Variants in B4GALT1 observed in about 807,000 individuals in gnomAD.
B4GALT1 encodes N-acetyllactosamine synthase.
Under a neutral mutation model 34.9 loss-of-function variants are expected in B4GALT1, and 16 were observed. The ratio of observed to expected loss-of-function variants is 0.46; its 90% CI spans 0.31 to 0.70. The LOEUF (loss-of-function observed/expected upper bound fraction) is 0.70, where lower values mean the gene tolerates loss of function less well. Ranked by LOEUF, B4GALT1 falls within the 30% of genes least tolerant of loss-of-function variation. B4GALT1 has a pLI of 0.05. For missense variants in B4GALT1, 445 were observed against 530.5 expected, an observed-to-expected ratio of 0.84 and a Z score of 1.58; for synonymous variants, 221 against 218.1, an observed-to-expected ratio of 1.01 and a Z score of -0.12.
At chr9:33,160,916 T>G (rs943791428) in intron 1 of B4GALT1, among the ~76,000 whole-genome samples, 6 of 152,190 alleles carry the variant, frequency 3.9e-5, no homozygotes, top group Middle Eastern at 3.2e-3. Flanking sequence ...GAGCCTGCAT[T>G]ACTTTTTACT....
intron 1 of B4GALT1, among the ~76,000 whole-genome samples, chr9:33,162,808 A>C (rs1475803874): frequency 6.6e-6 from 1 of 152,202 alleles, no homozygotes; most frequent in Non-Finnish European, 1.5e-5. Flanking sequence ...CAAAGTCTGG[A>C]ATGAATTACA....
At chr9:33,154,179 A>G (rs1840564673) in intron 1 of B4GALT1, among the ~76,000 whole-genome samples, 2 of 152,258 alleles carry the variant, frequency 1.3e-5, no homozygotes, top group Non-Finnish European at 2.9e-5. Flanking sequence ...TATCCCAGGT[A>G]TGCAAGATTA....
rs141240243 is a variant in B4GALT1, at chr9:33,135,373, G to A, written c.464C>T (p.Ala155Val). The A allele has an allele frequency of 1.4e-5, 23 of 1,614,094 alleles. No individual in the cohort carries two copies. The African/African-American group carries it at 3.1e-4, about 22-fold the overall frequency. ...FNMPVDLELV[A>V]KQNPNVKMGG... ...CATCTTCACATTTGGGTTCTGCTTT[G>A]CCACGAGCTCCAGGTCCACAGGCAT... Residue 155 changes from alanine to valine, a missense_variant, in exon 2 of 6, where the codon GCA (alanine) becomes GTA (valine). Around this residue, in one of 3 missense-constraint regions of B4GALT1, gnomAD observed 349 missense variants for 395.5 expected, o/e 0.88. Coordinates refer to ENST00000379731, the MANE Select transcript of B4GALT1 (RefSeq NM_001497.4).
exon 3 of B4GALT1, chr9:33,104,647 A>G: frequency 2.3e-6 from 1 of 432,002 alleles, no homozygotes; most frequent in South Asian, 1.7e-5. Flanking sequence ...CTCAGGTGGC[A>G]CAGCCCACAC....
chr9:33,113,841 C>T lies in B4GALT1; in HGVS notation c.997G>A (p.Ala333Thr). Residue 333 changes from alanine (A) to threonine (T), a missense_variant, in exon 5 of 6, where the codon GCT becomes ACT. Ala to Thr is a moderately conservative substitution (Grantham distance 58). Coordinates refer to ENST00000379731, the MANE Select transcript of B4GALT1 (RefSeq NM_001497.4). ...ATCATGCGACACCTCCCGACCACAG[C>T]ATTTGGGCGAGATATAGACATGCCT... is the stretch of plus-strand genomic sequence containing the variant. ...FRGMSISRPN[A>T]VVGRCRMIRH... 1 of 1,614,208 alleles carries T rather than the reference C, an allele frequency of 6.2e-7. No homozygotes were observed. The highest frequency in any genetic ancestry group is 8.5e-7 in the Non-Finnish European group (1 of 1,180,042).
At chr9:33,174,871 C>T in the B4GALT1 span, among the ~76,000 whole-genome samples, 1,386 of 140,152 alleles carry the variant, frequency 9.9e-3, 20 homozygotes, top group African/African-American at 0.035. Flanking sequence ...GCAGGAGAAT[C>T]GCTTGAACCT....
At chr9:33,127,146 G>T (rs1414089799) in intron 2 of B4GALT1, among the ~76,000 whole-genome samples, 1 of 152,066 alleles carries the variant, frequency 6.6e-6, no homozygotes, top group East Asian at 1.9e-4. Context: ...TGTATTTTTA[G>T]TAGAGACGGG....
At chr9:33,121,813 C>A (rs971791647) in intron 2 of B4GALT1, among the ~76,000 whole-genome samples, 1 of 152,082 alleles carries the variant, frequency 6.6e-6, no homozygotes, top group African/African-American at 2.4e-5. Context: ...TGGGGTTCAA[C>A]ATACAATGGC....
intron 1 of B4GALT1, among the ~76,000 whole-genome samples, chr9:33,145,386 C>T (rs1010148506): frequency 6.6e-6 from 1 of 152,090 alleles, no homozygotes; most frequent in African/African-American, 2.4e-5. Flanking sequence ...GAGAATAATC[C>T]CAAAGCTCAA....
chr9:33,133,013 C>T (rs940918686), intron 2 of B4GALT1, among the ~76,000 whole-genome samples: 10 of 152,306 alleles, frequency 6.6e-5, no homozygotes, highest in East Asian at 1.9e-4. Flanking sequence ...AGAGATTCTC[C>T]TGCCTCAGCC....
intron 1 of B4GALT1, among the ~76,000 whole-genome samples, chr9:33,158,784 T>A (rs764416087): frequency 7.9e-5 from 12 of 152,206 alleles, no homozygotes; most frequent in Non-Finnish European, 1.8e-4. Flanking sequence ...CACACCATAT[T>A]GCCAGAGTCT....
intron 2 of B4GALT1, 144 bp downstream of exon 2, chr9:33,135,045 G>A (rs1012275006): frequency 4.9e-5 from 40 of 815,468 alleles, no homozygotes; most frequent in Non-Finnish European, 7.0e-5. Context: ...CATCTGCACT[G>A]GTGGTGGCTG....
At chr9:33,155,072 A>G (rs1191282017) in intron 1 of B4GALT1, among the ~76,000 whole-genome samples, 1 of 152,138 alleles carries the variant, frequency 6.6e-6, no homozygotes, top group African/African-American at 2.4e-5. Context: ...TCCTACCACA[A>G]AGCCATTTAG....
At chr9:33,120,691 C>T (rs2118056507) in intron 2 of B4GALT1, 85 bp from the exon 3 acceptor site, 1 of 1,378,644 alleles carries the variant, frequency 7.3e-7, no homozygotes, top group Non-Finnish European at 1.0e-6. Context: ...TTGTCCACTA[C>T]ACATGGTCAC....
chr9:33,119,492 G>A (rs965062689), intron 3 of B4GALT1, among the ~76,000 whole-genome samples: 1 of 152,224 alleles, frequency 6.6e-6, no homozygotes, highest in African/African-American at 2.4e-5. Flanking sequence ...TGAGGTGAGA[G>A]GATCACTTGA....
At chr9:33,169,593 T>A (rs1372003567), upstream of B4GALT1, among the ~76,000 whole-genome samples, 1 of 150,418 alleles carries the variant, frequency 6.6e-6, no homozygotes, top group Non-Finnish European at 1.5e-5. Context: ...CAATCTCACC[T>A]CACTGCAACC....
chr9:33,113,650 C>T (rs1221906522), intron 5 of B4GALT1, 64 bp from the exon 6 acceptor site: 14 of 1,610,908 alleles, frequency 8.7e-6, no homozygotes, highest in African/African-American at 4.0e-5. Context: ...AATCATCACA[C>T]GTACTTCCTC....
the B4GALT1 span, among the ~76,000 whole-genome samples, chr9:33,184,399 C>G: frequency 6.6e-6 from 1 of 152,096 alleles, no homozygotes; most frequent in South Asian, 2.1e-4. Context: ...TTAATTTACC[C>G]TCTTCAACCA....
At chr9:33,115,915 G>C in intron 4 of B4GALT1, 76 bp downstream of exon 4, 1 of 1,551,636 alleles carries the variant, frequency 6.4e-7, no homozygotes, top group Non-Finnish European at 8.8e-7. Flanking sequence ...AGTCCTTGGG[G>C]AACAACCAAG....
Sources: allele counts gnomAD v4.1 joint callset (sites outside exome capture counted in the v4.1 genomes callset), GRCh38; gene constraint gnomAD v4.1.1; regional missense constraint gnomAD v4.1.1; transcripts MANE v1.5; gene names NCBI Gene and HGNC (gene_info 2026-07-23, HGNC 2026-07-21).